The following IDE variants were observed in gnomAD, a reference collection of about 807,000 sequenced individuals.
The protein encoded by IDE is insulin degrading enzyme.
In IDE, 58 loss-of-function variants were observed where a neutral mutation model predicts 133.2. The observed-to-expected ratio is 0.44, with a 90% CI of 0.35 to 0.54. The LOEUF is 0.54. IDE is among the 20% of genes least tolerant of loss of function. IDE has a pLI of 0.00. For synonymous variants in IDE, 396 were observed against 421.3 expected (o/e 0.94, Z 0.73); for missense variants, 981 against 1,234.0 (o/e 0.79, Z 3.07).
chr10:92,465,925 T>TA (rs753127048), intron 19 of IDE, 82 bp from the exon 20 acceptor site: 350 of 1,131,524 alleles, frequency 3.1e-4, no homozygotes, highest in Admixed American at 1.2e-3. Context: ...TGCCCACACT[T>TA]ACAGATGATA....
chr10:92,565,227 G>A (rs1418382720), intron 1 of IDE, among the ~76,000 whole-genome samples: 1 of 145,682 alleles, frequency 6.9e-6, no homozygotes, highest in Non-Finnish European at 1.5e-5. Context: ...CTGGGTGACA[G>A]AGCGAGACTC....
intron 13 of IDE, 42 bp downstream of exon 13, chr10:92,487,154 G>A (rs1847045174): frequency 1.3e-6 from 2 of 1,583,692 alleles, no homozygotes; most frequent in Non-Finnish European, 1.7e-6. Context: ...CATGTATTAG[G>A]TCTGTCCCCC....
intron 1 of IDE, among the ~76,000 whole-genome samples, chr10:92,570,323 C>T (rs1311431351): frequency 2.0e-5 from 3 of 152,176 alleles, no homozygotes; most frequent in Non-Finnish European, 4.4e-5. Flanking sequence ...CTGTTTATTA[C>T]TGAAAGCTCC....
intron 1 of IDE, among the ~76,000 whole-genome samples, chr10:92,544,492 G>A (rs1842455943): frequency 1.3e-5 from 2 of 152,202 alleles, no homozygotes; most frequent in African/African-American, 4.8e-5. Flanking sequence ...TTGCCCAAGG[G>A]CAAGCTGATT....
intron 4 of IDE, among the ~76,000 whole-genome samples, chr10:92,524,752 G>A (rs763181147): frequency 3.1e-4 from 46 of 146,636 alleles, no homozygotes; most frequent in African/African-American, 1.0e-3. Context: ...GCAAAACCCC[G>A]TCTCTACTAA....
chr10:92,474,642 T>G (rs911329856), intron 17 of IDE, 199 bp downstream of exon 17: 9 of 474,146 alleles, frequency 1.9e-5, no homozygotes, highest in African/African-American at 1.8e-4. Context: ...TTCAATATCT[T>G]CCTTCTACCT....
chr10:92,510,856 A>G (rs1421013154), intron 5 of IDE, among the ~76,000 whole-genome samples: 1 of 150,938 alleles, frequency 6.6e-6, no homozygotes, highest in African/African-American at 2.4e-5. Flanking sequence ...TATGATATAT[A>G]TCACATATAT....
chr10:92,497,672 C>G, intron 11 of IDE: 1 of 968,652 alleles, frequency 1.0e-6, no homozygotes, highest in Non-Finnish European at 1.2e-6. Context: ...GTAATCTTAC[C>G]CTTGAGCCAC....
chr10:92,509,921 C>CAAAAAAAAAAAAAAAAAAAA (rs11324773), intron 6 of IDE, 129 bp downstream of exon 6: 1 of 320,498 alleles, frequency 3.1e-6, no homozygotes, highest in Non-Finnish European at 5.3e-6. Context: ...ACTCTGTTTC[C>CAAAAAAAAAAAAAAAAAAAA]AAAAAAAAAA....
intron 18 of IDE, among the ~76,000 whole-genome samples, chr10:92,469,964 T>C (rs1032280004): frequency 6.6e-6 from 1 of 152,172 alleles, no homozygotes; most frequent in African/African-American, 2.4e-5. Context: ...TCTTATCTAC[T>C]ATACAATTAT....
intron 14 of IDE, chr10:92,480,832 G>C (rs531152911): frequency 3.6e-5 from 15 of 419,802 alleles, no homozygotes; most frequent in Non-Finnish European, 4.8e-5. Flanking sequence ...AGGCTCAAGC[G>C]ATCTTCCTGC....
intron 1 of IDE, among the ~76,000 whole-genome samples, chr10:92,549,150 C>T (rs1589523237): frequency 6.6e-6 from 1 of 151,818 alleles, no homozygotes; most frequent in South Asian, 2.1e-4. Context: ...CCCAGCTACT[C>T]GGGAGGCTGA....
At chr10:92,490,372 G>A in intron 12 of IDE, 121 bp downstream of exon 12, 1 of 698,576 alleles carries the variant, frequency 1.4e-6, no homozygotes, top group Non-Finnish European at 2.6e-6. Context: ...CTCTTAGGAT[G>A]GTACAGATAA....
chr10:92,508,948 T>G (rs1323681299), intron 6 of IDE, 58 bp from the exon 7 acceptor site: 1 of 1,355,284 alleles, frequency 7.4e-7, no homozygotes, highest in African/African-American at 1.4e-5. Flanking sequence ...AGAAAATATT[T>G]CTAAACTATG....
chr10:92,548,810 T>C (rs893180800), intron 1 of IDE, among the ~76,000 whole-genome samples: 1 of 152,146 alleles, frequency 6.6e-6, no homozygotes, highest in African/African-American at 2.4e-5. Flanking sequence ...TTATAGTAAG[T>C]AGTTCTCAAT....
intron 1 of IDE, among the ~76,000 whole-genome samples, chr10:92,540,064 A>G (rs760845001): frequency 1.3e-5 from 2 of 152,096 alleles, no homozygotes; most frequent in Non-Finnish European, 2.9e-5. Context: ...CAATATGGTG[A>G]AACCCCATCT....
At chr10:92,475,473 G>A (rs1846203833) in intron 16 of IDE, among the ~76,000 whole-genome samples, 1 of 152,194 alleles carries the variant, frequency 6.6e-6, no homozygotes, top group Non-Finnish European at 1.5e-5. Flanking sequence ...GAATGTAAGT[G>A]GAAGATATGT....
rs747872616 is a variant in IDE at position 92,470,322 on chromosome 10, C to T, written c.2140G>A (p.Ala714Thr). The change falls in exon 18 of 25, where the codon GCC becomes ACC. Residue 714 changes from alanine to threonine, a missense_variant. Coordinates refer to ENST00000265986, the MANE Select transcript of IDE (RefSeq NM_004969.4). Reference sequence around the variant, plus strand: ...CGTGACAGGAGCTGAGGTATGAAGGCCTTAAGGCGAGGAAGGGTTACATCT... The same window carrying T: ...CGTGACAGGAGCTGAGGTATGAAGGTCTTAAGGCGAGGAAGGGTTACATCT... ...LDDVTLPRLK[A>T]FIPQLLSRLH... The T allele has an allele frequency of 7.5e-6, 12 of 1,603,432 alleles. 1 individual carries two copies. The Admixed American group carries it at 2.0e-4, about 27-fold the overall frequency.
chr10:92,452,651 A>T lies in IDE; in HGVS notation c.*1793T>A, dbSNP rs1419362274. ...GACACTTAAATTTCACCCATTTTTT[A>T]AAAAAGAGCTAAAAGTTACTCAATA... is the stretch of plus-strand genomic sequence containing the variant. On this transcript the variant is annotated 3_prime_UTR_variant, in exon 25 of 25. Transcript: ENST00000265986. 1 of 152,246 alleles carries T rather than the reference A, an allele frequency of 6.6e-6. No individual in the cohort carries two copies. The highest frequency in any genetic ancestry group is 1.5e-5 in the Non-Finnish European group (1 of 68,042). 9.4% of individuals were successfully genotyped at this position (152,246 alleles called of 1,614,324 possible).
Sources: gnomAD v4.1 joint callset for allele counts (sites outside exome capture counted in the v4.1 genomes callset) on GRCh38, gnomAD v4.1.1 for gene constraint, MANE v1.5 for transcripts, NCBI Gene and HGNC (gene_info 2026-07-23, HGNC 2026-07-21) for gene names.